Variants in DARS2 observed in about 807,000 individuals in gnomAD.
DARS2 encodes the protein aspartate--tRNA ligase, mitochondrial.
Under a neutral mutation model 83.0 loss-of-function variants are expected in DARS2, and 63 were observed. That is an observed-to-expected ratio of 0.76 (90% CI 0.62 to 0.94). DARS2 has a LOEUF of 0.94. Ranked by LOEUF, DARS2 falls within the 40% of genes least tolerant of loss-of-function variation. DARS2 has a pLI of 0.00. For missense variants in DARS2, 675 were observed against 774.4 expected (o/e 0.87, Z 1.52); for synonymous variants, 250 against 269.3 (o/e 0.93, Z 0.70).
At chr1:173,845,339 T>G (rs778189330) in intron 12 of DARS2, 48 bp downstream of exon 12, 1 of 1,238,872 alleles carries the variant, frequency 8.1e-7, no homozygotes, top group East Asian at 2.3e-5. Context: ...GATTCAATAT[T>G]TTTAACTATT....
At chr1:173,834,732 G>GTTTTTTTTTTTT in intron 7 of DARS2, among the ~76,000 whole-genome samples, 48 of 21,682 alleles carry the variant, frequency 2.2e-3, no homozygotes, top group Non-Finnish European at 2.7e-3. Flanking sequence ...GAGTTTTTTT[G>GTTTTTTTTTTTT]TTTTTTTTTT....
At position 173,832,657 on chromosome 1, in the gene DARS2, C is replaced by T. The variant is rs906342112; in HGVS notation, c.493-719C>T. On this transcript the variant is annotated intron_variant, in intron 5 of 16. Transcript: ENST00000649689. ...GGTGGCAGGCACTTGTAGTCCCAGC[C>T]GCTCGGGAGGCTGAGGCAGGAGAAT... Among the ~76,000 whole-genome samples, 4 of 151,552 alleles carry T rather than the reference C, an allele frequency of 2.6e-5. No homozygotes were observed. The South Asian group carries it at 6.3e-4, about 24-fold the overall frequency.
Position 173,825,333 on chromosome 1 carries a change from A to G in DARS2, c.104A>G (p.Gln35Arg), listed in dbSNP as rs1226046698. 1.9e-6 allele frequency: 3 copies of G among 1,613,580 alleles called. No homozygotes were observed. The highest frequency in any genetic ancestry group is 2.7e-5 in the African/African-American group (2 of 74,874). Residue 35 changes from glutamine (Q) to arginine (R), a missense_variant, in exon 1 of 17, where the codon CAG (glutamine) becomes CGG (arginine). Coordinates refer to ENST00000649689, the MANE Select transcript of DARS2 (RefSeq NM_018122.5). Reference sequence around the variant, plus strand: ...GGTTCTCTCTACAGAAGTCTGTTGCAGAGTTCACAGAGGAGAATTCCAGGT... The same window carrying G: ...GGTTCTCTCTACAGAAGTCTGTTGCGGAGTTCACAGAGGAGAATTCCAGGT... ...IWGSLYRSLLQSSQRRIPEFS... is the reference protein window; with the variant it reads ...IWGSLYRSLLRSSQRRIPEFS...
intron 11 of DARS2, among the ~76,000 whole-genome samples, chr1:173,842,005 A>AGATGCACT (rs1450308863): frequency 3.7e-4 from 56 of 152,184 alleles, no homozygotes; most frequent in African/African-American, 1.3e-3. Flanking sequence ...AATAACAGGG[A>AGATGCACT]AATAAAAGGA....
At chr1:173,834,731 T>TG (rs1652914565) in intron 7 of DARS2, among the ~76,000 whole-genome samples, 2 of 113,284 alleles carry the variant, frequency 1.8e-5, no homozygotes, top group African/African-American at 7.2e-5. Context: ...TGAGTTTTTT[T>TG]GTTTTTTTTT....
intron 1 of DARS2, among the ~76,000 whole-genome samples, chr1:173,826,273 T>G (rs539371315): frequency 5.7e-4 from 87 of 152,216 alleles, no homozygotes; most frequent in Middle Eastern, 3.4e-3. Context: ...TGTTTTCTAG[T>G]GTACAAGTGG....
intron 12 of DARS2, among the ~76,000 whole-genome samples, chr1:173,845,914 T>C (rs909174782): frequency 6.6e-6 from 1 of 152,024 alleles, no homozygotes. Context: ...TCCCAGCACT[T>C]TGGGAGGGCA....
Position 173,857,805 on chromosome 1 carries a change from C to CA in DARS2, c.*102dup. Reference sequence around the variant, plus strand: ...AGAGTTCTGCCACAGGTCTAACAATCAAGTCTTTAGATGGAAGGAATCCAG... The same window carrying CA: ...AGAGTTCTGCCACAGGTCTAACAATCAAAGTCTTTAGATGGAAGGAATCCAG... On this transcript the variant is annotated 3_prime_UTR_variant, in exon 17 of 17. Transcript: ENST00000649689. 1 of 1,287,122 alleles carries CA rather than the reference C, an allele frequency of 7.8e-7. No homozygotes were observed. Among genetic ancestry groups the CA allele is most frequent in the Non-Finnish European group, 1.1e-6 (1 of 900,574 alleles). 79.7% of individuals were successfully genotyped at this position (1,287,122 alleles called of 1,614,324 possible).
chr1:173,848,935 A>C (rs1051029581), intron 12 of DARS2, among the ~76,000 whole-genome samples: 1 of 151,892 alleles, frequency 6.6e-6, no homozygotes, highest in Non-Finnish European at 1.5e-5. Context: ...TTTCTTTTGC[A>C]TGTCATTTTT....
At position 173,847,620 on chromosome 1, in the gene DARS2, G is replaced by C. The variant is rs899177392; in HGVS notation, c.1191+2329G>C. 5.9e-5 allele frequency among the ~76,000 whole-genome samples: 9 copies of C among 152,196 alleles called. No individual in the cohort carries two copies. In the South Asian group the frequency reaches 1.7e-3, roughly 28 times the overall value. Reference sequence around the variant, plus strand: ...GCATACACATGGTTCAAAAAATAAAGAACCATTAATGATGAAATGCAATAA... The same window carrying C: ...GCATACACATGGTTCAAAAAATAAACAACCATTAATGATGAAATGCAATAA... On this transcript the variant is annotated intron_variant, in intron 12 of 16. Coordinates refer to ENST00000649689, the MANE Select transcript of DARS2 (RefSeq NM_018122.5).
In DARS2 at chr1:173,839,351, G is replaced by A; in HGVS notation, c.841-16G>A. 1.2e-6 allele frequency: 2 copies of A among 1,613,016 alleles called. No individual in the cohort carries two copies. The highest frequency in any genetic ancestry group is 1.7e-6 in the Non-Finnish European group (2 of 1,179,044). ...ATTGTGGCTAAATTAGTTTCCATATGGTACTTTGGTTTCAGATTGACATAG... is the reference window on the plus strand; with the variant it reads ...ATTGTGGCTAAATTAGTTTCCATATAGTACTTTGGTTTCAGATTGACATAG... On this transcript the variant is annotated splice_polypyrimidine_tract_variant and intron_variant, in intron 9 of 16. Transcript: ENST00000649689.
chr1:173,851,871 A>T (rs1443501508), intron 13 of DARS2: 1 of 985,330 alleles, frequency 1.0e-6, no homozygotes, highest in Non-Finnish European at 1.2e-6. Context: ...AGCTAAATGT[A>T]ATCCCCCGTC....
intron 12 of DARS2, among the ~76,000 whole-genome samples, chr1:173,846,213 C>T (rs1653430034): frequency 6.6e-6 from 1 of 151,948 alleles, no homozygotes; most frequent in African/African-American, 2.4e-5. Context: ...ACTTGTAATC[C>T]CAGCTACTTT....
chr1:173,840,526 C>T (rs1311384758), intron 10 of DARS2, among the ~76,000 whole-genome samples: 2 of 152,196 alleles, frequency 1.3e-5, no homozygotes, highest in Non-Finnish European at 2.9e-5. Flanking sequence ...GCCTCTGCGC[C>T]GAGCCTGGAA....
In DARS2 at chr1:173,857,788, G is replaced by A; in HGVS notation, c.*83G>A. ...AGGCTAAAGTCAGATCTAGAGTTCT[G>A]CCACAGGTCTAACAATCAAGTCTTT... On this transcript the variant is annotated 3_prime_UTR_variant, in exon 17 of 17. Coordinates refer to ENST00000649689, the MANE Select transcript of DARS2 (RefSeq NM_018122.5). 7.0e-7 allele frequency: 1 copy of A among 1,435,730 alleles called. No homozygotes were observed. Among genetic ancestry groups the A allele is most frequent in the Non-Finnish European group, 9.7e-7 (1 of 1,027,174 alleles). 88.9% of individuals were successfully genotyped at this position (1,435,730 alleles called of 1,614,324 possible). A position where few individuals can be genotyped will look rare whatever the true frequency, so the allele number is the denominator to read the frequency against.
Position 173,840,909 on chromosome 1 carries a change from T to C in DARS2, c.1064T>C (p.Phe355Ser), listed in dbSNP as rs769635375. The change falls in exon 11 of 17, where the codon TTT (phenylalanine) becomes TCT (serine). Residue 355 changes from phenylalanine to serine, a missense_variant. Physicochemically the swap from Phe to Ser is radical, Grantham distance 155. Transcript: ENST00000649689. ...GTGTTTAGAAACACAGAGATTGGAT[T>C]TCTTCAAGATGCACTTAGTAAGCCC... is the stretch of plus-strand genomic sequence containing the variant. ...SDVFRNTEIG[F>S]LQDALSKPHG... The C allele has an allele frequency of 4.3e-6, 7 of 1,613,348 alleles. No homozygotes were observed. The East Asian group carries it at 1.6e-4, about 36-fold the overall frequency.
intron 3 of DARS2, among the ~76,000 whole-genome samples, chr1:173,830,264 T>A (rs1453163886): frequency 6.6e-6 from 1 of 152,196 alleles, no homozygotes; most frequent in Non-Finnish European, 1.5e-5. Context: ...GGGATCAACA[T>A]CCAGAGATGA....
At position 173,856,884 on chromosome 1, in the gene DARS2, A is replaced by G. The variant is rs1214242738; in HGVS notation, c.1750+143A>G. Reference sequence around the variant, plus strand: ...AAGTTTCTGTTGAAATTTCAGTAATATATTTTTTAAATATATCTTAACAGT... The same window carrying G: ...AAGTTTCTGTTGAAATTTCAGTAATGTATTTTTTAAATATATCTTAACAGT... On this transcript the variant is annotated intron_variant, in intron 16 of 16. Coordinates refer to ENST00000649689, the MANE Select transcript of DARS2 (RefSeq NM_018122.5). 6.0e-5 allele frequency: 37 copies of G among 613,480 alleles called. No individual in the cohort carries two copies. In the Admixed American group the frequency reaches 1.1e-3, roughly 18 times the overall value. The allele number at this position is 613,480 out of a possible 1,614,324, so 38.0% of individuals were successfully genotyped here. A position where few individuals can be genotyped will look rare whatever the true frequency, so the allele number is the denominator to read the frequency against.
In DARS2 at chr1:173,837,139, A is replaced by G. The variant is rs992832377; in HGVS notation, c.770+93A>G. On this transcript the variant is annotated intron_variant, in intron 8 of 16. Transcript: ENST00000649689. ...ACAAAATCCTCTCTGTTCTCAAGAG[A>G]AGGATAGAAAATTTATGAGAGTTTG... 12 of 1,136,746 alleles carry G rather than the reference A, an allele frequency of 1.1e-5. No homozygotes were observed. The East Asian group carries it at 2.6e-4, about 25-fold the overall frequency. 70.4% of individuals were successfully genotyped at this position (1,136,746 alleles called of 1,614,324 possible). A position where few individuals can be genotyped will look rare whatever the true frequency, so the allele number is the denominator to read the frequency against.
Sources: allele counts gnomAD v4.1 joint callset (sites outside exome capture counted in the v4.1 genomes callset), GRCh38; gene constraint gnomAD v4.1.1; transcripts MANE v1.5; gene names NCBI Gene and HGNC (gene_info 2026-07-23, HGNC 2026-07-21).